Variants in GLB1L3 observed in about 807,000 individuals in gnomAD.
GLB1L3 encodes galactosidase beta 1 like 3, also known as beta-galactosidase-1-like protein 3.
In GLB1L3, 89 loss-of-function variants were observed where a neutral mutation model predicts 89.5. The observed-to-expected ratio is 0.99, with a 90% CI of 0.84 to 1.19. GLB1L3 has a LOEUF of 1.19. Ranked by LOEUF, GLB1L3 falls within the 50% of genes most tolerant of loss-of-function variation. GLB1L3 has a pLI of 0.00. For missense variants in GLB1L3, 812 were observed against 813.3 expected (o/e 1.00, Z 0.02); for synonymous variants, 314 against 312.3 (o/e 1.01, Z -0.06).
intron 9 of GLB1L3, chr11:134,305,263 C>A: frequency 1.4e-6 from 1 of 711,174 alleles, no homozygotes; most frequent in Non-Finnish European, 2.6e-6. Context: ...CCTTCACCAG[C>A]TTGTGCACCC....
intron 8 of GLB1L3, chr11:134,292,742 T>C (rs1414607897): frequency 3.8e-5 from 12 of 316,508 alleles, no homozygotes; most frequent in Non-Finnish European, 2.9e-5. Context: ...CGCCCGGGAG[T>C]GAGCAGGGGA....
At chr11:134,288,247 A>G (rs1160664444) in intron 6 of GLB1L3, among the ~76,000 whole-genome samples, 1 of 151,174 alleles carries the variant, frequency 6.6e-6, no homozygotes, top group East Asian at 2.0e-4. Flanking sequence ...TCTTCTAGGA[A>G]GTGTGGCTCT....
chr11:134,279,788 T>C (rs920073319), intron 3 of GLB1L3, among the ~76,000 whole-genome samples: 11 of 151,784 alleles, frequency 7.2e-5, no homozygotes, highest in African/African-American at 2.2e-4. Flanking sequence ...CTTAATCTTA[T>C]CTATTTAGTC....
rs755934137 is a variant in GLB1L3 at position 134,311,150 on chromosome 11, G to C, written c.1267G>C (p.Ala423Pro). The change falls in exon 13 of 20, where the codon GCC becomes CCC. Residue 423 changes from alanine to proline, a missense_variant. Ala to Pro is a conservative substitution (Grantham distance 27). Around this residue, in one of 3 missense-constraint regions of GLB1L3, gnomAD observed 618 missense variants for 604.0 expected, o/e 1.02. Transcript: ENST00000431683. ...RPSLYLPLWD[A>P]LSYLNEPVRS... ...GTCGCTGTACCTCCCGCTGTGGGACGCCCTATCCTACTTAAATGAGGTGCG... is the reference window on the plus strand; with the variant it reads ...GTCGCTGTACCTCCCGCTGTGGGACCCCCTATCCTACTTAAATGAGGTGCG... The C allele has an allele frequency of 6.2e-7, 1 of 1,613,572 alleles. No homozygotes were observed. Among genetic ancestry groups the C allele is most frequent in the African/African-American group, 1.3e-5 (1 of 75,036 alleles).
intron 16 of GLB1L3, 29 bp downstream of exon 16, chr11:134,313,503 T>C (rs993657987): frequency 6.5e-7 from 1 of 1,545,034 alleles, no homozygotes; most frequent in Non-Finnish European, 8.8e-7. Flanking sequence ...TTCTCCTCAG[T>C]TGCTCAGAAC....
downstream of GLB1L3, among the ~76,000 whole-genome samples, chr11:134,320,630 A>G (rs1216441854): frequency 6.6e-6 from 1 of 152,148 alleles, no homozygotes; most frequent in Non-Finnish European, 1.5e-5. Context: ...TTTTCCAAAT[A>G]TGAATGCAAA....
At chr11:134,308,401 CCAT>C (rs1565413549) in intron 10 of GLB1L3, among the ~76,000 whole-genome samples, 23 of 95,314 alleles carry the variant, frequency 2.4e-4, no homozygotes, top group Admixed American at 5.7e-4. Flanking sequence ...ACCACCATCA[CCAT>C]CACCACCACC....
chr11:134,282,550 A>G (rs1235600710), intron 5 of GLB1L3, among the ~76,000 whole-genome samples: 1 of 152,126 alleles, frequency 6.6e-6, no homozygotes, highest in African/African-American at 2.4e-5. Flanking sequence ...TTGTTTTGAA[A>G]ACTTCTGATC....
chr11:134,287,179 A>G (rs4936226), intron 6 of GLB1L3: 31,277 of 152,284 alleles, frequency 0.21, 3,337 homozygotes, highest in South Asian at 0.33. Flanking sequence ...ACAAAAACCC[A>G]GAAAGACTGA....
chr11:134,289,911 T>A (rs1212853084), intron 7 of GLB1L3, among the ~76,000 whole-genome samples: 1 of 152,230 alleles, frequency 6.6e-6, no homozygotes, highest in Non-Finnish European at 1.5e-5. Context: ...AGTGCAGGGC[T>A]GCAGGGTTGG....
intron 1 of GLB1L3, 35 bp from the exon 2 acceptor site, chr11:134,277,291 C>A (rs2136099290): frequency 3.1e-6 from 5 of 1,613,476 alleles, no homozygotes. Flanking sequence ...GGGCCGGAAC[C>A]TTCCCCTTGT....
intron 7 of GLB1L3, among the ~76,000 whole-genome samples, chr11:134,291,615 A>G (rs1343668049): frequency 6.6e-6 from 1 of 152,234 alleles, no homozygotes; most frequent in East Asian, 1.9e-4. Context: ...TAGTTGCTAT[A>G]TAGTACTCTT....
chr11:134,307,220 G>T lies in GLB1L3; in HGVS notation c.961+12G>T, dbSNP rs138789968. On this transcript the variant is annotated intron_variant, in intron 10 of 19. Transcript: ENST00000431683. ...TAAAGATGCAAAGGGTGAGTGTTTT[G>T]CAGTGTTTGACTCCAGGAAGAGATG... 89 of 1,603,242 alleles carry T rather than the reference G, an allele frequency of 5.6e-5. 1 individual carries two copies. In the East Asian group the frequency reaches 2.0e-3, roughly 35 times the overall value.
Position 134,312,863 on chromosome 11 carries a change from G to T in GLB1L3, c.1476G>T (p.Lys492Asn). ...TAGGGATTCTGAATGAGAATAATAA[G>T]GACCTGCACATTCCTGAACTCAGGG... Reference protein sequence around the residue: ...TMIGILNENNKDLHIPELRDC... With the variant: ...TMIGILNENNNDLHIPELRDC... The change falls in exon 15 of 20, where the codon AAG becomes AAT. Residue 492 changes from lysine (K) to asparagine (N), a missense_variant. Transcript: ENST00000431683. 2.5e-6 allele frequency: 4 copies of T among 1,610,964 alleles called. No homozygotes were observed. Among genetic ancestry groups the T allele is most frequent in the Non-Finnish European group, 3.4e-6 (4 of 1,177,970 alleles).
intron 10 of GLB1L3, 38 bp downstream of exon 10, chr11:134,307,246 GC>G: frequency 2.1e-6 from 3 of 1,449,344 alleles, no homozygotes; most frequent in Non-Finnish European, 2.9e-6. Context: ...GGAAGAGATG[GC>G]CCCAGGTCCC....
chr11:134,308,205 C>CCATCAT (rs1942323318), intron 10 of GLB1L3, among the ~76,000 whole-genome samples: 3 of 29,910 alleles, frequency 1.0e-4, no homozygotes, highest in East Asian at 1.6e-3. Context: ...ATCACCACTA[C>CCATCAT]CACCACCACC....
Position 134,317,056 on chromosome 11 carries a change from A to C in GLB1L3, c.1780-1575A>C, listed in dbSNP as rs553034904. 4 of 152,434 alleles carry C rather than the reference A, an allele frequency of 2.6e-5. No individual in the cohort carries two copies. The South Asian group carries it at 6.2e-4, about 24-fold the overall frequency. The allele number at this position is 152,434 out of a possible 1,614,324, so 9.4% of individuals were successfully genotyped here. ...AAAGCTGCAGGCCACTCTGGGGGCCATGTTGTTGCCGGGGGGAAACTTGAT... is the reference window on the plus strand; with the variant it reads ...AAAGCTGCAGGCCACTCTGGGGGCCCTGTTGTTGCCGGGGGGAAACTTGAT... On this transcript the variant is annotated intron_variant, in intron 18 of 19. Transcript: ENST00000431683.
Position 134,318,993 on chromosome 11 carries a change from C to T in GLB1L3, c.*51C>T, listed in dbSNP as rs1283248277. 28 of 1,375,398 alleles carry T rather than the reference C, an allele frequency of 2.0e-5. No individual in the cohort carries two copies. Among genetic ancestry groups the T allele is most frequent in the Admixed American group, 5.3e-5 (3 of 56,830 alleles). The allele number at this position is 1,375,398 out of a possible 1,614,324, so 85.2% of individuals were successfully genotyped here. On this transcript the variant is annotated 3_prime_UTR_variant, in exon 20 of 20. Coordinates refer to ENST00000431683, the MANE Select transcript of GLB1L3 (RefSeq NM_001080407.3). Reference sequence around the variant, plus strand: ...TTTTTGAGATGGAGTCTCACTTTGTCGCCCAGGCTGGAGTGCAGTGGCACA... The same window carrying T: ...TTTTTGAGATGGAGTCTCACTTTGTTGCCCAGGCTGGAGTGCAGTGGCACA...
chr11:134,293,098 C>A, intron 8 of GLB1L3, 47 bp from the exon 9 acceptor site: 2 of 1,533,992 alleles, frequency 1.3e-6, no homozygotes, highest in South Asian at 1.1e-5. Flanking sequence ...CCTTCCCTGA[C>A]AGCACTTGTC....
Sources: allele counts gnomAD v4.1 joint callset (sites outside exome capture counted in the v4.1 genomes callset), GRCh38; gene constraint gnomAD v4.1.1; regional missense constraint gnomAD v4.1.1; transcripts MANE v1.5; gene names NCBI Gene and HGNC (gene_info 2026-07-23, HGNC 2026-07-21).